GPBP1: variants seen among roughly 807,000 people sequenced by gnomAD.
GPBP1 encodes the protein GC-rich promoter binding protein 1.
GPBP1 carries 13 observed loss-of-function variants against 56.5 expected under a neutral mutation model. The observed-to-expected ratio is 0.23, with a 90% CI of 0.15 to 0.37. GPBP1 has a LOEUF of 0.37. GPBP1 is among the 10% of genes least tolerant of loss of function. GPBP1 has a pLI of 1.00. For missense variants in GPBP1, 477 were observed against 572.3 expected, an observed-to-expected ratio of 0.83 and a Z score of 1.70; for synonymous variants, 204 against 188.9, an observed-to-expected ratio of 1.08 and a Z score of -0.66.
At position 57,247,072 on chromosome 5, in the gene GPBP1, T is replaced by C. The variant is rs369869292; in HGVS notation, c.664-3T>C. 8.7e-6 allele frequency: 14 copies of C among 1,603,332 alleles called. No individual in the cohort carries two copies. The African/African-American group carries it at 1.9e-4, about 22-fold the overall frequency. On this transcript the variant is annotated splice_polypyrimidine_tract_variant and splice_region_variant and intron_variant, in intron 7 of 11. Coordinates refer to ENST00000506184, the MANE Select transcript of GPBP1 (RefSeq NM_022913.4). Reference sequence around the variant, plus strand: ...CCATTAATGTTTGTGTGTTTTTCTTTAGCCTACACAATGGAAAAGCCAAAC... The same window carrying C: ...CCATTAATGTTTGTGTGTTTTTCTTCAGCCTACACAATGGAAAAGCCAAAC...
rs753647050 is a variant in GPBP1, at chr5:57,249,485, G to A, written c.881G>A (p.Arg294His). 5.6e-6 allele frequency: 9 copies of A among 1,612,396 alleles called. No homozygotes were observed. The highest frequency in any genetic ancestry group is 1.3e-5 in the African/African-American group (1 of 74,822). Residue 294 changes from arginine to histidine, a missense_variant, in exon 9 of 12, where the codon CGC becomes CAC. Physicochemically the swap from Arg to His is conservative, Grantham distance 29. This residue lies in a region of GPBP1 where 414 missense variants were observed against 458.2 expected (regional missense o/e 0.90). Coordinates refer to ENST00000506184, the MANE Select transcript of GPBP1 (RefSeq NM_022913.4). ...QPRLTKLTRM[R>H]TDKKSEFLKA... The stretch of plus-strand genomic sequence containing the variant: ...CGTCTAACCAAACTGACACGAATGC[G>A]CACTGATAAGAAGAGTGAATTTTTG...
rs1229362872 is a variant in GPBP1 at position 57,230,786 on chromosome 5, CTAGTTTTT to C, written c.64-59_64-52del. On this transcript the variant is annotated intron_variant, in intron 3 of 11. Transcript: ENST00000506184. ...GGAAATAAGTGAAGTTGGAGTATTA[CTAGTTTTT>C]AAAGTTATATTTAGGTTTCATAAAT... 15 of 1,404,546 alleles carry C rather than the reference CTAGTTTTT, an allele frequency of 1.1e-5. No individual in the cohort carries two copies. In the African/African-American group the frequency reaches 1.6e-4, roughly 15 times the overall value. The allele number at this position is 1,404,546 out of a possible 1,614,324, so 87.0% of individuals were successfully genotyped here.
At chr5:57,244,197 A>ATG (rs1466271666) in intron 6 of GPBP1, among the ~76,000 whole-genome samples, 2 of 152,100 alleles carry the variant, frequency 1.3e-5, no homozygotes, top group South Asian at 2.1e-4. Flanking sequence ...TTGAGGCTCT[A>ATG]TGTGGTAGAT....
At chr5:57,222,692 A>T (rs1307769676) in intron 3 of GPBP1, among the ~76,000 whole-genome samples, 1 of 152,146 alleles carries the variant, frequency 6.6e-6, no homozygotes, top group African/African-American at 2.4e-5. Flanking sequence ...CATTTCTTTG[A>T]TAATGGTAAG....
chr5:57,240,179 AT>A (rs1740757353), intron 6 of GPBP1, among the ~76,000 whole-genome samples: 1 of 152,012 alleles, frequency 6.6e-6, no homozygotes, highest in Admixed American at 6.6e-5. Flanking sequence ...TGAGCCCATG[AT>A]TTCCAGGTTG....
At chr5:57,207,238 T>G (rs1043427641) in intron 2 of GPBP1, among the ~76,000 whole-genome samples, 9 of 152,352 alleles carry the variant, frequency 5.9e-5, no homozygotes, top group Non-Finnish European at 1.2e-4. Context: ...TTTTTCTGAA[T>G]TGTTTTTGGA....
intron 6 of GPBP1, chr5:57,246,094 C>G (rs186689479): frequency 1.0e-3 from 432 of 433,374 alleles, no homozygotes; most frequent in Non-Finnish European, 1.5e-3. Context: ...TTGCCCAATT[C>G]TTCCTATATT....
intron 6 of GPBP1, among the ~76,000 whole-genome samples, chr5:57,239,917 T>A (rs1314345480): frequency 6.6e-6 from 1 of 152,082 alleles, no homozygotes; most frequent in East Asian, 1.9e-4. Context: ...GTCTTTGCAT[T>A]TGGTCTGTGT....
intron 9 of GPBP1, among the ~76,000 whole-genome samples, chr5:57,250,133 A>T (rs558678029): frequency 6.1e-5 from 9 of 148,674 alleles, no homozygotes; most frequent in Admixed American, 1.4e-4. Context: ...GTGCCACCAC[A>T]CCTGGCTAAT....
At chr5:57,234,615 A>G (rs1756590899) in intron 5 of GPBP1, among the ~76,000 whole-genome samples, 1 of 152,232 alleles carries the variant, frequency 6.6e-6, no homozygotes, top group Non-Finnish European at 1.5e-5. Context: ...GGGCCAGTCT[A>G]ATCACTTGAG....
intron 2 of GPBP1, among the ~76,000 whole-genome samples, chr5:57,200,360 ATTTTT>A (rs70999063): frequency 1.4e-5 from 1 of 69,774 alleles, no homozygotes; most frequent in Non-Finnish European, 2.6e-5. Flanking sequence ...ATAAGTTTGA[ATTTTT>A]TTTTTTTTTT....
intron 6 of GPBP1, among the ~76,000 whole-genome samples, chr5:57,245,157 A>G (rs1451363999): frequency 6.6e-6 from 1 of 152,062 alleles, no homozygotes; most frequent in South Asian, 2.1e-4. Context: ...TTAGCCCTTT[A>G]TATTGGGCTT....
At position 57,176,152 on chromosome 5, in the gene GPBP1, T is replaced by A; in HGVS notation, c.-306T>A. On this transcript the variant is annotated 5_prime_UTR_variant, in exon 2 of 12. It removes an upstream start codon present in the reference 5' UTR. Coordinates refer to ENST00000506184, the MANE Select transcript of GPBP1 (RefSeq NM_022913.4). Reference sequence around the variant, plus strand: ...GACAAGTACAACAGTGGCAAGTACATGGAATAATAAAGAAGACTTTGATCT... The same window carrying A: ...GACAAGTACAACAGTGGCAAGTACAAGGAATAATAAAGAAGACTTTGATCT... 2.5e-6 allele frequency: 1 copy of A among 396,130 alleles called. No individual in the cohort carries two copies. Among genetic ancestry groups the A allele is most frequent in the East Asian group, 3.6e-5 (1 of 27,922 alleles). The allele number at this position is 396,130 out of a possible 1,614,324, so 24.5% of individuals were successfully genotyped here.
intron 2 of GPBP1, among the ~76,000 whole-genome samples, chr5:57,191,558 G>GTTT (rs60401326): frequency 6.9e-6 from 1 of 145,008 alleles, no homozygotes. Context: ...TTATCTTTAG[G>GTTT]TTTTTTTTTT....
rs1386346736 is a variant in GPBP1 at position 57,250,844 on chromosome 5, C to T, written c.973-110C>T. ...ACAGGGGTGAGCCACTGCGCCTGGC[C>T]GCATTTATGTATTTTCAATGGAAGC... On this transcript the variant is annotated intron_variant, in intron 9 of 11. Transcript: ENST00000506184. 9.2e-6 allele frequency: 7 copies of T among 760,824 alleles called. 1 individual carries two copies. Among genetic ancestry groups the T allele is most frequent in the South Asian group, 8.1e-5 (4 of 49,276 alleles). 47.1% of individuals were successfully genotyped at this position (760,824 alleles called of 1,614,324 possible). A position where few individuals can be genotyped will look rare whatever the true frequency, so the allele number is the denominator to read the frequency against.
chr5:57,212,020 T>C (rs1040245864), intron 2 of GPBP1, among the ~76,000 whole-genome samples: 1 of 152,022 alleles, frequency 6.6e-6, no homozygotes, highest in Non-Finnish European at 1.5e-5. Flanking sequence ...CACTGCAACC[T>C]CCACTTCCCA....
At chr5:57,209,779 T>G (rs891000212) in intron 2 of GPBP1, among the ~76,000 whole-genome samples, 18 of 152,192 alleles carry the variant, frequency 1.2e-4, no homozygotes, top group African/African-American at 4.3e-4. Context: ...GTTATTAATG[T>G]GGTGTATTAT....
intron 3 of GPBP1, among the ~76,000 whole-genome samples, chr5:57,219,410 ACAAAC>A (rs1285145720): frequency 8.0e-5 from 5 of 62,556 alleles, no homozygotes; most frequent in African/African-American, 3.4e-4. Context: ...AAAACCAAAA[ACAAAC>A]AAACAAAAAA....
In GPBP1 at chr5:57,214,111, G is replaced by A. The variant is rs766333468; in HGVS notation, c.-20G>A. The stretch of plus-strand genomic sequence containing the variant: ...AGGTGTTGAAGCCTTGTTTCACTGA[G>A]TTGGAGAGACTGGACCTAAATGGCG... On this transcript the variant is annotated 5_prime_UTR_variant, in exon 3 of 12. Transcript: ENST00000506184. 10 of 1,611,180 alleles carry A rather than the reference G, an allele frequency of 6.2e-6. No individual in the cohort carries two copies. Among genetic ancestry groups the A allele is most frequent in the Non-Finnish European group, 8.5e-6 (10 of 1,177,360 alleles).
Sources: allele counts gnomAD v4.1 joint callset (sites outside exome capture counted in the v4.1 genomes callset), GRCh38; gene constraint gnomAD v4.1.1; regional missense constraint gnomAD v4.1.1; transcripts MANE v1.5; gene names NCBI Gene and HGNC (gene_info 2026-07-23, HGNC 2026-07-21).